Variants in ENO4 observed in about 807,000 individuals in gnomAD.
The protein encoded by ENO4 is 2-phospho-D-glycerate hydro-lyase.
ENO4 carries 53 observed loss-of-function variants against 63.2 expected under a neutral mutation model. The observed-to-expected ratio is 0.84, with a 90% CI of 0.67 to 1.05. The LOEUF is 1.05. ENO4 is among the 50% of genes least tolerant of loss of function. ENO4 has a pLI of 0.00. For synonymous variants in ENO4, 266 were observed against 283.8 expected (o/e 0.94, Z 0.63); for missense variants, 719 against 772.0 (o/e 0.93, Z 0.81).
chr10:116,876,306 A>G (rs1304050827), intron 11 of ENO4, 46 bp downstream of exon 11: 1 of 1,400,632 alleles, frequency 7.1e-7, no homozygotes, highest in African/African-American at 1.5e-5. Flanking sequence ...ACTTGGTTAT[A>G]CAAGAAACCA....
At chr10:116,870,147 C>T (rs1009559519) in intron 8 of ENO4, among the ~76,000 whole-genome samples, 7 of 152,126 alleles carry the variant, frequency 4.6e-5, no homozygotes, top group East Asian at 1.9e-4. Flanking sequence ...TATTCATTCC[C>T]GGGTTCATGT....
At chr10:116,903,653 C>T (rs879933326) in intron 10 of ENO4, among the ~76,000 whole-genome samples, 8 of 152,076 alleles carry the variant, frequency 5.3e-5, no homozygotes, top group Non-Finnish European at 7.3e-5. Context: ...AATATAAATA[C>T]GAAGTTGAAT....
chr10:116,865,475 A>G (rs1490749700), intron 7 of ENO4, among the ~76,000 whole-genome samples: 1 of 152,136 alleles, frequency 6.6e-6, no homozygotes, highest in Non-Finnish European at 1.5e-5. Flanking sequence ...GTGAGCCACC[A>G]CGGCCAGCCA....
chr10:116,886,819 C>A (rs774710745), downstream of ENO4, among the ~76,000 whole-genome samples: 43 of 152,198 alleles, frequency 2.8e-4, no homozygotes, highest in Non-Finnish European at 1.5e-4. Flanking sequence ...TGTTAAAAAG[C>A]CAAATGCACC....
rs1185730778 is a variant in ENO4 at position 116,879,860 on chromosome 10, C to G, written c.1606-9C>G. ...CTCCGTCTAAAATTAGTTTTTTCCC[C>G]CCTTTCAGGCTGTTGGGCTTGGTGT... On this transcript the variant is annotated splice_polypyrimidine_tract_variant and intron_variant, in intron 12 of 13. Transcript: ENST00000341276. The G allele has an allele frequency of 1.3e-6, 2 of 1,544,424 alleles. No individual in the cohort carries two copies. Among genetic ancestry groups the G allele is most frequent in the Admixed American group, 4.0e-5 (2 of 49,676 alleles).
At chr10:116,899,825 G>T (rs933098704) in intron 10 of ENO4, among the ~76,000 whole-genome samples, 5 of 152,194 alleles carry the variant, frequency 3.3e-5, no homozygotes, top group Non-Finnish European at 5.9e-5. Context: ...TGTGGTTAGT[G>T]TAACAGAGTA....
At chr10:116,873,371 C>T (rs983751671) in intron 9 of ENO4, among the ~76,000 whole-genome samples, 1 of 152,088 alleles carries the variant, frequency 6.6e-6, no homozygotes, top group Non-Finnish European at 1.5e-5. Context: ...TCCCAGGTAC[C>T]ATCCCTGAAC....
chr10:116,911,810 C>T, downstream of ENO4: 1 of 1,612,718 alleles, frequency 6.2e-7, no homozygotes, highest in Non-Finnish European at 8.5e-7. Context: ...TTTAGTTCAT[C>T]CACTGCACTT....
At chr10:116,880,705 T>C (rs560172560) in intron 13 of ENO4, among the ~76,000 whole-genome samples, 3 of 152,194 alleles carry the variant, frequency 2.0e-5, no homozygotes, top group Non-Finnish European at 4.4e-5. Flanking sequence ...TTCTGAGTCA[T>C]GTAAGGGCAG....
chr10:116,854,020 A>T (rs1305561632), intron 1 of ENO4, among the ~76,000 whole-genome samples: 1 of 151,704 alleles, frequency 6.6e-6, no homozygotes, highest in Non-Finnish European at 1.5e-5. Flanking sequence ...GCACAGAAAC[A>T]CCTTCCTGAG....
chr10:116,855,493 G>A lies in ENO4; in HGVS notation c.166-130G>A, dbSNP rs146607841. 7.9e-3 allele frequency: 8,971 copies of A among 1,139,998 alleles called. 733 individuals carry two copies. The Admixed American group carries it at 0.15, about 19-fold the overall frequency. 70.6% of individuals were successfully genotyped at this position (1,139,998 alleles called of 1,614,324 possible). On this transcript the variant is annotated intron_variant, in intron 1 of 13. Coordinates refer to ENST00000341276, the MANE Select transcript of ENO4 (RefSeq NM_001242699.2). ...TCCTGGCATCAGGAAGAATACTCGCGGAGAGGTTTGGTAGAAACTAGAGTC... is the reference window on the plus strand; with the variant it reads ...TCCTGGCATCAGGAAGAATACTCGCAGAGAGGTTTGGTAGAAACTAGAGTC...
downstream of ENO4, chr10:116,884,066 T>C (rs1446441670): frequency 9.0e-6 from 3 of 333,032 alleles, no homozygotes; most frequent in Non-Finnish European, 1.8e-5. Flanking sequence ...TTAATTTATC[T>C]TTCCCAAACA....
intron 4 of ENO4, 113 bp from the exon 5 acceptor site, chr10:116,860,681 A>C: frequency 2.7e-6 from 2 of 736,910 alleles, no homozygotes; most frequent in Non-Finnish European, 3.8e-6. Flanking sequence ...GGGTTGAGGT[A>C]GAGCATTTGT....
At chr10:116,897,127 A>C (rs1363367286) in intron 10 of ENO4, among the ~76,000 whole-genome samples, 1 of 152,082 alleles carries the variant, frequency 6.6e-6, no homozygotes, top group Non-Finnish European at 1.5e-5. Flanking sequence ...GTGATCAGGT[A>C]CTTCTAATGT....
In ENO4 at chr10:116,871,166, CATTAACTGT is replaced by C; in HGVS notation, c.1090_1098del (p.Ile364_Cys366del). The C allele has an allele frequency of 6.4e-7, 1 of 1,550,392 alleles. No homozygotes were observed. Among genetic ancestry groups the C allele is most frequent in the Non-Finnish European group, 8.7e-7 (1 of 1,146,940 alleles). ...AGATGTCTCATCTTGGCTGTTTAAC[CATTAACTGT>C]GACTCCATAGAACAGCCACTGCTTC... On this transcript the variant is annotated inframe_deletion, in exon 9 of 14. Transcript: ENST00000341276.
At chr10:116,905,208 C>CAAA (rs772309175) in intron 10 of ENO4, among the ~76,000 whole-genome samples, 10 of 63,374 alleles carry the variant, frequency 1.6e-4, no homozygotes, top group African/African-American at 1.9e-4. Flanking sequence ...GACTCCGTCT[C>CAAA]AAAAAAAAAA....
chr10:116,880,553 G>A (rs1370461154), intron 13 of ENO4, among the ~76,000 whole-genome samples: 2 of 152,136 alleles, frequency 1.3e-5, no homozygotes, highest in African/African-American at 4.8e-5. Flanking sequence ...GATTGTGATG[G>A]CCAAAAGGAG....
downstream of ENO4, chr10:116,884,660 G>A (rs1847111702): frequency 6.1e-6 from 1 of 163,604 alleles, no homozygotes; most frequent in Admixed American, 5.7e-5. Context: ...AAAGAAACAT[G>A]AAAGAAAACT....
In ENO4 at chr10:116,891,817, C is replaced by T. The variant is rs561572698; in HGVS notation, c.1194+11831C>T. Among the ~76,000 whole-genome samples, 7 of 152,176 alleles carry T rather than the reference C, an allele frequency of 4.6e-5. No individual in the cohort carries two copies. In the South Asian group the frequency reaches 1.2e-3, roughly 27 times the overall value. ...AAGGTGAAACTTTCTATATTACTAC[C>T]GATTCTAGCATTATTTTAAAATATA... On this transcript the variant is annotated intron_variant, in intron 10 of 10. Coordinates refer to the ENO4 transcript ENST00000369207.
Sources: allele counts gnomAD v4.1 joint callset (sites outside exome capture counted in the v4.1 genomes callset), GRCh38; gene constraint gnomAD v4.1.1; transcripts MANE v1.5; gene names NCBI Gene and HGNC (gene_info 2026-07-23, HGNC 2026-07-21).